Variants in UGP2 observed in about 807,000 individuals in gnomAD.
UGP2 encodes UDP-glucose pyrophosphorylase 2, also known as UTP--glucose-1-phosphate uridylyltransferase.
In UGP2, 40 loss-of-function variants were observed where a neutral mutation model predicts 49.0. The observed-to-expected ratio is 0.82, with a 90% CI of 0.63 to 1.06. The LOEUF is 1.06. Ranked by LOEUF, UGP2 falls within the 50% of genes least tolerant of loss-of-function variation. UGP2 has a pLI of 0.00. For missense variants in UGP2, 460 were observed against 603.5 expected (o/e 0.76, Z 2.49); for synonymous variants, 225 against 213.0 (o/e 1.06, Z -0.49).
At chr2:63,851,243 C>G (rs1669023473) in intron 1 of UGP2, among the ~76,000 whole-genome samples, 1 of 152,106 alleles carries the variant, frequency 6.6e-6, no homozygotes, top group Non-Finnish European at 1.5e-5. Flanking sequence ...TTATTAGGCA[C>G]CTGTACTGTG....
chr2:63,889,806 T>G, intron 8 of UGP2: 1 of 259,606 alleles, frequency 3.9e-6, no homozygotes, highest in South Asian at 7.5e-5. Flanking sequence ...TCTTGGCATG[T>G]TGATTATCTT....
At chr2:63,871,514 G>A (rs1285900190) in intron 3 of UGP2, among the ~76,000 whole-genome samples, 2 of 152,310 alleles carry the variant, frequency 1.3e-5, no homozygotes, top group South Asian at 2.1e-4. Flanking sequence ...TTGAACTCCT[G>A]ACCTCAGGTG....
intron 1 of UGP2, among the ~76,000 whole-genome samples, chr2:63,854,144 T>TTGG (rs1558936377): frequency 6.6e-6 from 1 of 152,204 alleles, no homozygotes; most frequent in Admixed American, 6.5e-5. Context: ...GGCTCCACCA[T>TTGG]TGGCCTGCTC....
intron 8 of UGP2, chr2:63,889,778 G>T: frequency 4.5e-6 from 1 of 220,534 alleles, no homozygotes; most frequent in Non-Finnish European, 8.8e-6. Context: ...TTCAGATTGT[G>T]TGAACTATTC....
chr2:63,891,093 C>T (rs750730702), intron 9 of UGP2, 27 bp from the exon 10 acceptor site: 18 of 1,583,554 alleles, frequency 1.1e-5, no homozygotes, highest in Admixed American at 1.7e-5. Flanking sequence ...GTTGCAAGTA[C>T]ACTCTTTTGT....
At chr2:63,867,724 A>G (rs1036327921) in intron 3 of UGP2, among the ~76,000 whole-genome samples, 1 of 152,182 alleles carries the variant, frequency 6.6e-6, no homozygotes, top group Non-Finnish European at 1.5e-5. Flanking sequence ...TTTATGATTC[A>G]TGAATAATTT....
chr2:63,842,316 T>C lies in UGP2; in HGVS notation c.19+112T>C, dbSNP rs1671612571. On this transcript the variant is annotated intron_variant, in intron 1 of 9. Coordinates refer to ENST00000337130, the MANE Select transcript of UGP2 (RefSeq NM_006759.4). ...GGAAATGTTCATTTGAGATAACATTTGCGAAACCCTTTTCGTTGAATTGTC... is the reference window on the plus strand; with the variant it reads ...GGAAATGTTCATTTGAGATAACATTCGCGAAACCCTTTTCGTTGAATTGTC... 5 of 1,607,450 alleles carry C rather than the reference T, an allele frequency of 3.1e-6. No homozygotes were observed. The South Asian group carries it at 4.4e-5, about 14-fold the overall frequency.
At chr2:63,877,562 A>T (rs1670988341) in intron 3 of UGP2, among the ~76,000 whole-genome samples, 1 of 152,230 alleles carries the variant, frequency 6.6e-6, no homozygotes, top group Non-Finnish European at 1.5e-5. Context: ...TACATTTTGG[A>T]TCTAGAAATT....
Position 63,891,125 on chromosome 2 carries a change from G to T in UGP2, c.1425G>T (p.Thr475=), listed in dbSNP as rs752563709. Residue 475 remains threonine (T), a synonymous_variant, in exon 10 of 10, where the codon ACG becomes ACT. Transcript: ENST00000337130. ...TTGTTTTCCCTGTCACTTAGGGAACGGTTATCATCATTGCAAATCATGGTG... is the reference window on the plus strand; with the variant it reads ...TTGTTTTCCCTGTCACTTAGGGAACTGTTATCATCATTGCAAATCATGGTG... ...TFGKNVSLKG[T]VIIIANHGDR... 3 of 1,612,058 alleles carry T rather than the reference G, an allele frequency of 1.9e-6. No individual in the cohort carries two copies.
chr2:63,880,067 C>T (rs558487894), intron 3 of UGP2, among the ~76,000 whole-genome samples: 29 of 152,224 alleles, frequency 1.9e-4, no homozygotes, highest in African/African-American at 7.0e-4. Context: ...GGCCTGGTCC[C>T]ACTTGCTGAC....
At chr2:63,889,504 A>AAGT (rs1671930133) in intron 8 of UGP2, 2 of 152,756 alleles carry the variant, frequency 1.3e-5, no homozygotes, top group Non-Finnish European at 2.9e-5. Flanking sequence ...AATGGGGGCA[A>AAGT]AGTAGTGGTG....
intron 3 of UGP2, among the ~76,000 whole-genome samples, chr2:63,872,790 CAA>C (rs547283279): frequency 2.9e-4 from 33 of 112,442 alleles, no homozygotes; most frequent in Admixed American, 3.6e-4. Context: ...CCAGTGCCCT[CAA>C]AAAAAAAAAA....
chr2:63,880,127 T>G (rs1228344530), intron 3 of UGP2, among the ~76,000 whole-genome samples: 1 of 151,950 alleles, frequency 6.6e-6, no homozygotes, highest in Admixed American at 6.6e-5. Context: ...ACAGTGGTCT[T>G]TCTTTCCTTC....
At chr2:63,868,629 T>C (rs1218083829) in intron 3 of UGP2, among the ~76,000 whole-genome samples, 1 of 152,208 alleles carries the variant, frequency 6.6e-6, no homozygotes, top group African/African-American at 2.4e-5. Flanking sequence ...GGATATGCAC[T>C]TTTTAAAGGT....
At chr2:63,868,367 A>G (rs1015863973) in intron 3 of UGP2, among the ~76,000 whole-genome samples, 1 of 152,196 alleles carries the variant, frequency 6.6e-6, no homozygotes, top group Non-Finnish European at 1.5e-5. Flanking sequence ...AGCATGGCAA[A>G]ACCTTGGAAA....
chr2:63,868,538 T>C (rs888511588), intron 3 of UGP2, among the ~76,000 whole-genome samples: 1 of 152,246 alleles, frequency 6.6e-6, no homozygotes, highest in Admixed American at 6.5e-5. Flanking sequence ...TTTCCTGTTA[T>C]TAAAACCGTG....
intron 3 of UGP2, among the ~76,000 whole-genome samples, chr2:63,868,673 A>T (rs1245944827): frequency 1.3e-5 from 2 of 152,148 alleles, no homozygotes; most frequent in Non-Finnish European, 2.9e-5. Flanking sequence ...TTTTAAAAAG[A>T]GTATATCAGG....
intron 8 of UGP2, chr2:63,889,848 T>C: frequency 2.5e-6 from 1 of 407,278 alleles, no homozygotes; most frequent in East Asian, 4.4e-5. Flanking sequence ...CCCTTAGATC[T>C]GCTCAACTAT....
rs558362007 is a variant in UGP2, at chr2:63,870,365, G to A, written c.256-12101G>A. ...ACTTTCTTAGGAAATTTGCTTTTCC[G>A]GGCTTGTGATATGTGATTGTTCATT... On this transcript the variant is annotated intron_variant, in intron 3 of 9. Transcript: ENST00000337130. Among the ~76,000 whole-genome samples, 168 of 152,258 alleles carry A rather than the reference G, an allele frequency of 1.1e-3. 1 individual carries two copies. The highest frequency in any genetic ancestry group is 3.0e-3 in the Admixed American group (46 of 15,290).
Sources: allele counts gnomAD v4.1 joint callset (sites outside exome capture counted in the v4.1 genomes callset), GRCh38; gene constraint gnomAD v4.1.1; transcripts MANE v1.5; gene names NCBI Gene and HGNC (gene_info 2026-07-23, HGNC 2026-07-21).